Variants in C4orf51 observed in about 807,000 individuals in gnomAD.
The protein encoded by C4orf51 is uncharacterized protein C4orf51.
Under a neutral mutation model 25.2 loss-of-function variants are expected in C4orf51, and 25 were observed. The observed-to-expected ratio is 0.99, with a 90% CI of 0.72 to 1.39. The LOEUF (loss-of-function observed/expected upper bound fraction) is 1.39. Ranked by LOEUF, C4orf51 falls within the 40% of genes most tolerant of loss-of-function variation. The pLI, the probability that C4orf51 is intolerant of heterozygous loss-of-function variation, is 0.00. For missense variants in C4orf51, 252 were observed against 239.6 expected, an observed-to-expected ratio of 1.05 and a Z score of -0.34; for synonymous variants, 100 against 84.5, an observed-to-expected ratio of 1.18 and a Z score of -1.01.
chr4:145,699,934 A>AGGGGCAAGCACCCCTCAACACCTT (rs1730318647), intron 2 of C4orf51, among the ~76,000 whole-genome samples: 1 of 151,232 alleles, frequency 6.6e-6, no homozygotes, highest in Non-Finnish European at 1.5e-5. Flanking sequence ...TTTCTGGGGG[A>AGGGGCAAGCACCCCTCAACACCTT]GGGGCAAGCA....
At chr4:145,722,056 T>A (rs931210262) in intron 2 of C4orf51, among the ~76,000 whole-genome samples, 1 of 152,178 alleles carries the variant, frequency 6.6e-6, no homozygotes, top group Non-Finnish European at 1.5e-5. Flanking sequence ...ATTACCAAGT[T>A]AAGGCAGATA....
chr4:145,748,552 A>G (rs1241373705), intron 1 of C4orf51, among the ~76,000 whole-genome samples: 1 of 152,052 alleles, frequency 6.6e-6, no homozygotes, highest in African/African-American at 2.4e-5. Flanking sequence ...CTTTTGCTGT[A>G]TCCCATAGGT....
chr4:145,684,343 T>G (rs960243856), intron 1 of C4orf51, among the ~76,000 whole-genome samples: 2 of 151,856 alleles, frequency 1.3e-5, no homozygotes, highest in Non-Finnish European at 2.9e-5. Flanking sequence ...TTAGCCAGGC[T>G]TGGTGGCGGG....
At chr4:145,766,343 A>G (rs2126876081) in intron 1 of C4orf51, among the ~76,000 whole-genome samples, 1 of 152,364 alleles carries the variant, frequency 6.6e-6, no homozygotes, top group South Asian at 2.1e-4. Context: ...TGGGTTTACC[A>G]TTACTACTAA....
rs1457229197 is a variant in C4orf51 at position 145,768,896 on chromosome 4, T to A, written n.167-2092T>A. Among the ~76,000 whole-genome samples the A allele has an allele frequency of 3.1e-3, 48 of 15,392 alleles. 2 individuals carry two copies. The highest frequency in any genetic ancestry group is 5.0e-3 in the African/African-American group (27 of 5,432). 10.1% of individuals were successfully genotyped at this position (15,392 alleles called of 152,430 possible). A position where few individuals can be genotyped will look rare whatever the true frequency, so the allele number is the denominator to read the frequency against. ...AAAAAAAAAAAAAAAAAAAAATATA[T>A]ATATATATATATATATATATTAGGT... On this transcript the variant is annotated intron_variant and non_coding_transcript_variant, in intron 1 of 1. Transcript: ENST00000510096.
intron 2 of C4orf51, among the ~76,000 whole-genome samples, chr4:145,714,339 T>C (rs888263170): frequency 6.6e-6 from 1 of 152,120 alleles, no homozygotes; most frequent in Non-Finnish European, 1.5e-5. Flanking sequence ...CTCACATAAT[T>C]ACCTTTTTTT....
In C4orf51 at chr4:145,696,610, C is replaced by T. The variant is rs1163568985; in HGVS notation, c.285C>T (p.Thr95=). Reference sequence around the variant, plus strand: ...GTCATCTTCTCTGCTGGGCTGGTACCCAAGAGACTACAGATATCAAAGGTA... The same window carrying T: ...GTCATCTTCTCTGCTGGGCTGGTACTCAAGAGACTACAGATATCAAAGGTA... ...SACHLLCWAG[T]QETTDIKGLF... Residue 95 remains threonine, a synonymous_variant, in exon 2 of 6, where the codon ACC becomes ACT. Coordinates refer to ENST00000438731, the MANE Select transcript of C4orf51 (RefSeq NM_001080531.3). 4.3e-6 allele frequency: 7 copies of T among 1,613,384 alleles called. No individual in the cohort carries two copies. In the Admixed American group the frequency reaches 8.3e-5, roughly 19 times the overall value.
At position 145,765,801 on chromosome 4, in the gene C4orf51, T is replaced by G; in HGVS notation, n.167-5187T>G. ...TGAAAATCCTCAGAATTATAGCAACTGAGGGTGACGAGTTGAGTCTCATGG... is the reference window on the plus strand; with the variant it reads ...TGAAAATCCTCAGAATTATAGCAACGGAGGGTGACGAGTTGAGTCTCATGG... On this transcript the variant is annotated intron_variant and non_coding_transcript_variant, in intron 1 of 1. Coordinates refer to the C4orf51 transcript ENST00000510096. The surrounding 1 kb of genome is among the most constrained non-coding windows in gnomAD (Gnocchi z 4.7). 6.5e-7 allele frequency: 1 copy of G among 1,531,524 alleles called. No individual in the cohort carries two copies. Among genetic ancestry groups the G allele is most frequent in the Non-Finnish European group, 8.9e-7 (1 of 1,127,194 alleles). 94.9% of individuals were successfully genotyped at this position (1,531,524 alleles called of 1,614,324 possible). A position where few individuals can be genotyped will look rare whatever the true frequency, so the allele number is the denominator to read the frequency against.
downstream of C4orf51, among the ~76,000 whole-genome samples, chr4:145,754,829 G>A (rs368977339): frequency 6.6e-6 from 1 of 152,088 alleles, no homozygotes; most frequent in Non-Finnish European, 1.5e-5. Context: ...CCAGCTACTC[G>A]GGAGGCTGAG....
At chr4:145,719,758 C>G (rs1189868183) in intron 2 of C4orf51, among the ~76,000 whole-genome samples, 1 of 152,180 alleles carries the variant, frequency 6.6e-6, no homozygotes, top group African/African-American at 2.4e-5. Flanking sequence ...TTCACTTCTT[C>G]TCCATCCCCT....
intron 1 of C4orf51, among the ~76,000 whole-genome samples, chr4:145,696,341 C>T (rs1439969027): frequency 6.6e-6 from 1 of 152,094 alleles, no homozygotes; most frequent in Non-Finnish European, 1.5e-5. Flanking sequence ...AACAAAATTG[C>T]TATCGGGTAT....
intron 1 of C4orf51, among the ~76,000 whole-genome samples, chr4:145,688,391 T>G (rs2356208): frequency 0.076 from 11,622 of 152,248 alleles, 517 homozygotes; most frequent in Non-Finnish European, 0.1. Flanking sequence ...TTTGGCTTTG[T>G]GTCCCACCCA....
At chr4:145,689,790 G>A (rs1467633692) in intron 1 of C4orf51, among the ~76,000 whole-genome samples, 1 of 152,134 alleles carries the variant, frequency 6.6e-6, no homozygotes, top group Non-Finnish European at 1.5e-5. Context: ...TCATTAAATG[G>A]TGCTGGGAAA....
At chr4:145,747,373 G>A (rs767365607) in intron 1 of C4orf51, among the ~76,000 whole-genome samples, 5 of 143,286 alleles carry the variant, frequency 3.5e-5, no homozygotes, top group African/African-American at 5.0e-5. Flanking sequence ...TATTCCTTCT[G>A]TGCCCAGTTT....
chr4:145,761,130 C>A lies in C4orf51; in HGVS notation n.167-9858C>A. The A allele has an allele frequency of 5.4e-6, 7 of 1,289,616 alleles. No homozygotes were observed. The highest frequency in any genetic ancestry group is 7.1e-6 in the Non-Finnish European group (7 of 988,702). 79.9% of individuals were successfully genotyped at this position (1,289,616 alleles called of 1,614,324 possible). A position where few individuals can be genotyped will look rare whatever the true frequency, so the allele number is the denominator to read the frequency against. On this transcript the variant is annotated intron_variant and non_coding_transcript_variant, in intron 1 of 1. Transcript: ENST00000510096. This position sits in a 1 kb window ranked among gnomAD's most constrained non-coding sequence, Gnocchi z 6.8. ...TCCCGACCACCAGGAGCGGGGCCCC[C>A]GGGCCGGCCGGTTCCTTGGGGGCTG...
At chr4:145,749,293 G>A (rs1215385854) in intron 1 of C4orf51, among the ~76,000 whole-genome samples, 18 of 151,968 alleles carry the variant, frequency 1.2e-4, no homozygotes, top group Admixed American at 1.2e-3. Flanking sequence ...CATAGGTGAA[G>A]TGTATTTCTT....
At chr4:145,734,256 GGGAA>G (rs1400224219), downstream of C4orf51, among the ~76,000 whole-genome samples, 11 of 152,152 alleles carry the variant, frequency 7.2e-5, no homozygotes, top group Admixed American at 2.0e-4. Flanking sequence ...CCAAGAAAAA[GGGAA>G]CCGGCAGGTT....
chr4:145,757,592 A>C (rs1734044976), downstream of C4orf51: 2 of 152,174 alleles, frequency 1.3e-5, no homozygotes, highest in Admixed American at 1.3e-4. Flanking sequence ...CAAGCAGCCA[A>C]GGATGGCAAA....
At chr4:145,790,083 A>G in the C4orf51 span, among the ~76,000 whole-genome samples, 61,192 of 152,122 alleles carry the variant, frequency 0.4, 14,004 homozygotes, top group Non-Finnish European at 0.54. Context: ...TGTTCTTTCA[A>G]CTTTTCCCAG....
Sources: gnomAD v4.1 joint callset for allele counts (sites outside exome capture counted in the v4.1 genomes callset) on GRCh38, gnomAD v4.1.1 for gene constraint, Gnocchi (gnomAD v3.1) non-coding constraint, MANE v1.5 for transcripts, NCBI Gene and HGNC (gene_info 2026-07-23, HGNC 2026-07-21) for gene names.